The following REDIC1 variants were observed in gnomAD, a reference collection of about 807,000 sequenced individuals.
REDIC1 encodes the protein HEI10 Interacting Protein 1.
the REDIC1 span, among the ~76,000 whole-genome samples, chr12:39,810,299 T>C: frequency 6.6e-6 from 1 of 152,224 alleles, no homozygotes; most frequent in East Asian, 1.9e-4. Context: ...TTTGATGATA[T>C]AATTAGCCTT....
At chr12:39,775,135 A>ACAT in the REDIC1 span, among the ~76,000 whole-genome samples, 1 of 152,224 alleles carries the variant, frequency 6.6e-6, no homozygotes, top group African/African-American at 2.4e-5. Context: ...CACAAGATTA[A>ACAT]CATAGATAGA....
chr12:39,879,616 C>T, the REDIC1 span, among the ~76,000 whole-genome samples: 1 of 152,186 alleles, frequency 6.6e-6, no homozygotes, highest in South Asian at 2.1e-4. Context: ...TGGCTGATTT[C>T]TCCCTTTTGG....
chr12:39,836,457 C>T, the REDIC1 span, among the ~76,000 whole-genome samples: 2 of 152,018 alleles, frequency 1.3e-5, no homozygotes, highest in South Asian at 4.1e-4. Flanking sequence ...CTCACCACTC[C>T]TATTCAACAT....
At chr12:39,706,466 A>G in the REDIC1 span, among the ~76,000 whole-genome samples, 3 of 152,208 alleles carry the variant, frequency 2.0e-5, no homozygotes, top group African/African-American at 7.2e-5. Flanking sequence ...TCCAAAATGT[A>G]TATGGAACCA....
the REDIC1 span, among the ~76,000 whole-genome samples, chr12:39,894,501 A>G: frequency 7.2e-6 from 1 of 138,742 alleles, no homozygotes; most frequent in Non-Finnish European, 1.6e-5. Context: ...ATTAGCCTTC[A>G]AGTCTGAAAT....
chr12:39,732,187 A>T, the REDIC1 span, among the ~76,000 whole-genome samples: 1 of 152,198 alleles, frequency 6.6e-6, no homozygotes, highest in Non-Finnish European at 1.5e-5. Context: ...TAAACTGCAG[A>T]TTCCCCTCCA....
At chr12:39,885,095 C>T in the REDIC1 span, among the ~76,000 whole-genome samples, 1 of 152,160 alleles carries the variant, frequency 6.6e-6, no homozygotes, top group East Asian at 1.9e-4. Context: ...AGTTGCCTTT[C>T]AGGCAGGGGG....
At chr12:39,709,083 A>C in the REDIC1 span, among the ~76,000 whole-genome samples, 1 of 151,760 alleles carries the variant, frequency 6.6e-6, no homozygotes, top group Non-Finnish European at 1.5e-5. Context: ...AGTTTTCCTC[A>C]CATAGATTCT....
chr12:39,798,426 G>A, the REDIC1 span, among the ~76,000 whole-genome samples: 2 of 152,184 alleles, frequency 1.3e-5, no homozygotes, highest in Non-Finnish European at 1.5e-5. Flanking sequence ...ATTAAATGAA[G>A]ATCAATTAAC....
At chr12:39,821,525 G>T in the REDIC1 span, among the ~76,000 whole-genome samples, 18 of 152,180 alleles carry the variant, frequency 1.2e-4, no homozygotes, top group African/African-American at 4.3e-4. Flanking sequence ...ATTGCAGTGG[G>T]ATTTACAAAA....
chr12:39,817,463 C>T, the REDIC1 span, among the ~76,000 whole-genome samples: 1 of 148,660 alleles, frequency 6.7e-6, no homozygotes, highest in African/African-American at 2.4e-5. Context: ...TACATTGTAT[C>T]AACTCCTTAT....
the REDIC1 span, among the ~76,000 whole-genome samples, chr12:39,794,082 A>G: frequency 6.2e-5 from 9 of 145,042 alleles, no homozygotes; most frequent in African/African-American, 2.3e-4. Flanking sequence ...TGAGCTAGCA[A>G]TTCCTAGAAG....
chr12:39,730,899 G>T, the REDIC1 span, among the ~76,000 whole-genome samples: 1 of 151,974 alleles, frequency 6.6e-6, no homozygotes, highest in Admixed American at 6.6e-5. Context: ...ATTTCATTAA[G>T]TTGATCTTGA....
chr12:39,694,083 G>T, the REDIC1 span, among the ~76,000 whole-genome samples: 1 of 152,140 alleles, frequency 6.6e-6, no homozygotes. Flanking sequence ...GGCTATTTGC[G>T]ATTCTTTTTC....
At chr12:39,780,891 T>C in the REDIC1 span, among the ~76,000 whole-genome samples, 9 of 152,312 alleles carry the variant, frequency 5.9e-5, no homozygotes, top group East Asian at 1.4e-3. Flanking sequence ...TGAAAATACA[T>C]GTGGAGTGTC....
At chr12:39,907,062 AAGT>A in the REDIC1 span, among the ~76,000 whole-genome samples, 1 of 152,150 alleles carries the variant, frequency 6.6e-6, no homozygotes, top group South Asian at 2.1e-4. Flanking sequence ...CAATTTATAT[AAGT>A]AGAAGTTTGA....
chr12:39,898,147 C>T, the REDIC1 span, among the ~76,000 whole-genome samples: 2 of 152,024 alleles, frequency 1.3e-5, no homozygotes, highest in East Asian at 1.9e-4. Flanking sequence ...TACAGCTTTC[C>T]ATTTGTAGAA....
chr12:39,694,034 G>T, the REDIC1 span, among the ~76,000 whole-genome samples: 3 of 152,120 alleles, frequency 2.0e-5, no homozygotes, highest in African/African-American at 7.2e-5. Context: ...TTTGCGCTTC[G>T]CTCTGTGTGA....
the REDIC1 span, among the ~76,000 whole-genome samples, chr12:39,689,038 A>G: frequency 6.6e-6 from 1 of 152,206 alleles, no homozygotes; most frequent in Admixed American, 6.5e-5. Flanking sequence ...CAGCCAAGGA[A>G]CATGTTTCCT....
Sources: allele counts gnomAD v4.1 joint callset (sites outside exome capture counted in the v4.1 genomes callset), GRCh38; gene constraint gnomAD v4.1.1; transcripts MANE v1.5; gene names NCBI Gene and HGNC (gene_info 2026-07-23, HGNC 2026-07-21).